LTAP1: variants seen among roughly 807,000 people sequenced by gnomAD.
LTAP1 encodes the protein lipid transport auxiliary protein 1.
the LTAP1 span, among the ~76,000 whole-genome samples, chr1:154,209,700 C>T: frequency 1.3e-5 from 2 of 152,016 alleles, no homozygotes; most frequent in Non-Finnish European, 2.9e-5. Context: ...CATTCTCCTG[C>T]CCCAGCCTCC....
the LTAP1 span, chr1:154,212,221 A>G: frequency 1.6e-6 from 2 of 1,282,888 alleles, no homozygotes; most frequent in Admixed American, 1.7e-5. Flanking sequence ...TTATGGTATC[A>G]TGGATTTTGT....
chr1:154,212,108 C>T, the LTAP1 span: 9 of 541,800 alleles, frequency 1.7e-5, no homozygotes, highest in South Asian at 8.0e-5. Context: ...CCTCCCGCCT[C>T]GGCCTCCCAA....
chr1:154,218,563 GA>G, the LTAP1 span, among the ~76,000 whole-genome samples: 1 of 152,204 alleles, frequency 6.6e-6, no homozygotes, highest in Non-Finnish European at 1.5e-5. Flanking sequence ...ACTTGTTAAT[GA>G]AAGTACAGTG....
chr1:154,215,549 G>C, the LTAP1 span, among the ~76,000 whole-genome samples: 3 of 147,924 alleles, frequency 2.0e-5, no homozygotes, highest in African/African-American at 7.6e-5. Flanking sequence ...CTGCGTGACA[G>C]AGTGAGACGT....
the LTAP1 span, chr1:154,208,480 C>T: frequency 6.6e-6 from 1 of 152,220 alleles, no homozygotes; most frequent in Non-Finnish European, 1.5e-5. Context: ...CTGACACACA[C>T]CTACTCATAC....
chr1:154,210,500 T>A, the LTAP1 span, among the ~76,000 whole-genome samples: 1 of 152,132 alleles, frequency 6.6e-6, no homozygotes, highest in African/African-American at 2.4e-5. Context: ...TATTTTGAGA[T>A]GGAGTCTCGC....
At chr1:154,215,339 G>A in the LTAP1 span, among the ~76,000 whole-genome samples, 1 of 152,118 alleles carries the variant, frequency 6.6e-6, no homozygotes, top group Non-Finnish European at 1.5e-5. Flanking sequence ...GGCCGAGGTG[G>A]GTGGATCACA....
At chr1:154,213,901 C>T in the LTAP1 span, 35 of 1,612,608 alleles carry the variant, frequency 2.2e-5, 1 homozygote, top group Non-Finnish European at 2.2e-5. Flanking sequence ...ACCAGAGGTA[C>T]GAATGGCATC....
the LTAP1 span, chr1:154,212,225 A>AT: frequency 9.1e-6 from 12 of 1,322,884 alleles, no homozygotes; most frequent in Non-Finnish European, 1.3e-5. Flanking sequence ...GGTATCATGG[A>AT]TTTTGTTTAT....
At chr1:154,210,058 T>G in the LTAP1 span, among the ~76,000 whole-genome samples, 1 of 151,730 alleles carries the variant, frequency 6.6e-6, no homozygotes, top group Non-Finnish European at 1.5e-5. Context: ...CCTTTCATCT[T>G]TTCGAGACAG....
the LTAP1 span, chr1:154,207,736 T>C: frequency 9.3e-7 from 1 of 1,073,504 alleles, no homozygotes; most frequent in African/African-American, 1.6e-5. Context: ...GCAGCAATAG[T>C]CACAAATAGT....
chr1:154,220,532 A>G, the LTAP1 span: 1 of 925,662 alleles, frequency 1.1e-6, no homozygotes, highest in Non-Finnish European at 1.7e-6. Flanking sequence ...TTACGGGGGA[A>G]GACCAAGCCA....
At chr1:154,211,015 ATT>A in the LTAP1 span, among the ~76,000 whole-genome samples, 1 of 148,886 alleles carries the variant, frequency 6.7e-6, no homozygotes, top group Non-Finnish European at 1.5e-5. Context: ...TTTAATTTTT[ATT>A]TTTTTTTTGA....
At chr1:154,211,276 T>G in the LTAP1 span, among the ~76,000 whole-genome samples, 1 of 151,302 alleles carries the variant, frequency 6.6e-6, no homozygotes, top group Non-Finnish European at 1.5e-5. Flanking sequence ...GTGCTGGGAT[T>G]ATAGGCGTGA....
At chr1:154,212,757 G>A in the LTAP1 span, 2 of 920,908 alleles carry the variant, frequency 2.2e-6, no homozygotes, top group South Asian at 1.6e-5. Flanking sequence ...CACCTCCTAG[G>A]TTTGAGCAAT....
the LTAP1 span, chr1:154,212,448 A>C: frequency 6.2e-7 from 1 of 1,613,854 alleles, no homozygotes; most frequent in Non-Finnish European, 8.5e-7. Context: ...CGAAGAAAAA[A>C]CTGGCTTACC....
At chr1:154,220,263 C>T in the LTAP1 span, 1 of 1,529,866 alleles carries the variant, frequency 6.5e-7, no homozygotes, top group Non-Finnish European at 9.1e-7. Context: ...GTGGAGAATG[C>T]AGACGGGGTA....
chr1:154,219,985 T>C, the LTAP1 span: 1 of 1,408,208 alleles, frequency 7.1e-7, no homozygotes, highest in Middle Eastern at 1.8e-4. Context: ...CAGTTTTGTT[T>C]TGTTTTTTTT....
chr1:154,215,011 A>G, the LTAP1 span, among the ~76,000 whole-genome samples: 1 of 151,716 alleles, frequency 6.6e-6, no homozygotes, highest in African/African-American at 2.4e-5. Flanking sequence ...TGTCTGGCTA[A>G]TTTTTCTATT....
Sources: allele counts gnomAD v4.1 joint callset (sites outside exome capture counted in the v4.1 genomes callset), GRCh38; gene constraint gnomAD v4.1.1; transcripts MANE v1.5; gene names NCBI Gene and HGNC (gene_info 2026-07-23, HGNC 2026-07-21).